PLCL2: variants seen among roughly 807,000 people sequenced by gnomAD.
The protein encoded by PLCL2 is phospholipase C like 2, also known as inactive phospholipase C-like protein 2.
In PLCL2, 4 loss-of-function variants were observed where a neutral mutation model predicts 79.6. That is an observed-to-expected ratio of 0.05 (90% CI 0.02 to 0.11). The LOEUF is 0.11. Among genes scored for constraint, PLCL2 ranks in the 10% least tolerant of loss-of-function variants. The pLI is 1.00. For synonymous variants in PLCL2, 484 were observed against 457.7 expected, an observed-to-expected ratio of 1.06 and a Z score of -0.73; for missense variants, 895 against 1,291.0, an observed-to-expected ratio of 0.69 and a Z score of 4.70.
intron 1 of PLCL2, among the ~76,000 whole-genome samples, chr3:16,952,424 C>T (rs1257991781): frequency 1.5e-5 from 2 of 135,330 alleles, no homozygotes; most frequent in African/African-American, 2.8e-5. Context: ...TTTTAGGAAC[C>T]TGTTTAACTC....
intron 1 of PLCL2, among the ~76,000 whole-genome samples, chr3:16,956,714 A>C (rs1348102253): frequency 2.0e-5 from 3 of 152,046 alleles, no homozygotes; most frequent in Non-Finnish European, 4.4e-5. Flanking sequence ...AGAGCCTGTT[A>C]TTGGTCTGTT....
intron 4 of PLCL2, among the ~76,000 whole-genome samples, chr3:17,046,343 G>A (rs949831846): frequency 9.2e-5 from 14 of 152,220 alleles, no homozygotes; most frequent in African/African-American, 2.9e-4. Flanking sequence ...AGTCTTTTCC[G>A]CTTTCTAATA....
chr3:16,909,858 C>G (rs995867896), intron 1 of PLCL2, among the ~76,000 whole-genome samples: 3 of 152,156 alleles, frequency 2.0e-5, no homozygotes, highest in African/African-American at 7.2e-5. Context: ...AGGCTCTTCC[C>G]TTCCCATTCC....
chr3:16,958,198 A>G (rs958800391), intron 1 of PLCL2, among the ~76,000 whole-genome samples: 4 of 152,046 alleles, frequency 2.6e-5, no homozygotes, highest in Non-Finnish European at 5.9e-5. Context: ...ACATTTTTTG[A>G]GCAGTACTGT....
chr3:17,073,291 T>A (rs2065078321), intron 5 of PLCL2, among the ~76,000 whole-genome samples: 1 of 152,190 alleles, frequency 6.6e-6, no homozygotes, highest in African/African-American at 2.4e-5. Flanking sequence ...TATATAAAAG[T>A]TATATTTACA....
chr3:16,962,840 C>G (rs1035713427), intron 1 of PLCL2, among the ~76,000 whole-genome samples: 7 of 152,024 alleles, frequency 4.6e-5, no homozygotes, highest in Non-Finnish European at 1.0e-4. Flanking sequence ...TAGTGAAAAG[C>G]AAAGAATACG....
intron 1 of PLCL2, among the ~76,000 whole-genome samples, chr3:16,991,076 CCTT>C (rs558631709): frequency 6.4e-4 from 98 of 152,254 alleles, no homozygotes; most frequent in African/African-American, 2.2e-3. Flanking sequence ...CCGGCTTTGC[CCTT>C]CTTCTTACCC....
chr3:16,902,848 C>T (rs1023267352), intron 1 of PLCL2, among the ~76,000 whole-genome samples: 3 of 77,970 alleles, frequency 3.8e-5, no homozygotes, highest in East Asian at 1.2e-3. Context: ...AAAAAAAATG[C>T]AGTGCGTGTG....
intron 1 of PLCL2, among the ~76,000 whole-genome samples, chr3:16,979,957 G>A (rs1370182078): frequency 3.4e-5 from 5 of 148,912 alleles, no homozygotes; most frequent in East Asian, 4.1e-4. Context: ...GCGGCTGGCC[G>A]GACGGGGGGC....
intron 4 of PLCL2, among the ~76,000 whole-genome samples, chr3:17,050,714 A>G (rs1211217260): frequency 6.6e-6 from 1 of 152,194 alleles, no homozygotes; most frequent in Non-Finnish European, 1.5e-5. Context: ...AATTAGTACA[A>G]CCATTATGGA....
At chr3:16,966,486 TG>T (rs1433888224) in intron 1 of PLCL2, among the ~76,000 whole-genome samples, 1 of 152,090 alleles carries the variant, frequency 6.6e-6, no homozygotes, top group East Asian at 1.9e-4. Flanking sequence ...TCTCTTTTTT[TG>T]TTGTGTCTCT....
Position 17,074,412 on chromosome 3 carries a change from G to A in PLCL2, c.3204+6347G>A, listed in dbSNP as rs116302121. 3.5e-3 allele frequency among the ~76,000 whole-genome samples: 538 copies of A among 152,290 alleles called. 3 individuals are homozygous for A. The highest frequency in any genetic ancestry group is 0.013 in the African/African-American group (521 of 41,554). ...TAGGCTTTATTGATCCATTTATAGA[G>A]CACGGGCAGAGTAAATTTAGCATAA... On this transcript the variant is annotated intron_variant, in intron 5 of 5. Coordinates refer to ENST00000615277, the MANE Select transcript of PLCL2 (RefSeq NM_001144382.2).
intron 1 of PLCL2, among the ~76,000 whole-genome samples, chr3:16,956,619 T>C (rs2063708431): frequency 1.3e-5 from 2 of 152,116 alleles, no homozygotes; most frequent in African/African-American, 2.4e-5. Context: ...AGCTCCTCCT[T>C]GTACCTCTGG....
chr3:17,017,102 C>T (rs2064393558), intron 3 of PLCL2, among the ~76,000 whole-genome samples: 1 of 152,294 alleles, frequency 6.6e-6, no homozygotes, highest in Middle Eastern at 3.4e-3. Context: ...TAGCAATATT[C>T]GGCTCAGGAA....
chr3:16,949,852 TA>T (rs2063634863), intron 1 of PLCL2, among the ~76,000 whole-genome samples: 2 of 152,224 alleles, frequency 1.3e-5, no homozygotes, highest in African/African-American at 4.8e-5. Flanking sequence ...AATTATTTTG[TA>T]TTTTTTGCAA....
At chr3:16,919,914 A>G (rs1212978613) in intron 1 of PLCL2, among the ~76,000 whole-genome samples, 1 of 152,196 alleles carries the variant, frequency 6.6e-6, no homozygotes, top group Non-Finnish European at 1.5e-5. Context: ...AAGCAATTGA[A>G]AATTCACTCA....
intron 4 of PLCL2, among the ~76,000 whole-genome samples, chr3:17,048,193 C>T (rs1262252667): frequency 6.6e-6 from 1 of 151,782 alleles, no homozygotes; most frequent in African/African-American, 2.4e-5. Flanking sequence ...CATCATCTTG[C>T]CCAACATAGT....
In PLCL2 at chr3:16,886,155, A is replaced by G. The variant is rs577928849; in HGVS notation, c.327+789A>G. Among the ~76,000 whole-genome samples the G allele has an allele frequency of 5.3e-5, 8 of 152,310 alleles. No homozygotes were observed. The South Asian group carries it at 1.7e-3, about 32-fold the overall frequency. On this transcript the variant is annotated intron_variant, in intron 1 of 5. Coordinates refer to ENST00000615277, the MANE Select transcript of PLCL2 (RefSeq NM_001144382.2). This position sits in a 1 kb window ranked among gnomAD's most constrained non-coding sequence, Gnocchi z 4.2. ...GAACTCCCGAGTTTGTGTTAGTTTCATTCTAATGTTACATTTTGGTTCGCA... is the reference window on the plus strand; with the variant it reads ...GAACTCCCGAGTTTGTGTTAGTTTCGTTCTAATGTTACATTTTGGTTCGCA...
intron 1 of PLCL2, among the ~76,000 whole-genome samples, chr3:16,939,628 A>G (rs1697629865): frequency 6.6e-6 from 1 of 152,206 alleles, no homozygotes; most frequent in African/African-American, 2.4e-5. Flanking sequence ...AAAAGTAGTT[A>G]TTTCTAGAAT....
Sources: gnomAD v4.1 joint callset for allele counts (sites outside exome capture counted in the v4.1 genomes callset) on GRCh38, gnomAD v4.1.1 for gene constraint, Gnocchi (gnomAD v3.1) non-coding constraint, MANE v1.5 for transcripts, NCBI Gene and HGNC (gene_info 2026-07-23, HGNC 2026-07-21) for gene names.